Variants in TMEM184B observed in about 807,000 individuals in gnomAD.
TMEM184B encodes transmembrane protein 184B, also known as putative MAPK-activating protein FM08.
Under a neutral mutation model 41.8 loss-of-function variants are expected in TMEM184B, and 17 were observed. The observed-to-expected ratio is 0.41, with a 90% CI of 0.28 to 0.61. TMEM184B has a LOEUF of 0.61. Ranked by LOEUF, TMEM184B falls within the 20% of genes least tolerant of loss-of-function variation. The pLI, the probability that TMEM184B is intolerant of heterozygous loss-of-function variation, is 0.34. For missense variants in TMEM184B, 393 were observed against 557.8 expected (o/e 0.70, Z 2.98); for synonymous variants, 240 against 229.5 (o/e 1.05, Z -0.41).
chr22:38,256,316 C>T (rs2092278333), intron 1 of TMEM184B, among the ~76,000 whole-genome samples: 1 of 151,822 alleles, frequency 6.6e-6, no homozygotes. Flanking sequence ...CGGGTTCAAG[C>T]AATTCTCCTG....
At chr22:38,265,013 T>C (rs765380297) in intron 1 of TMEM184B, among the ~76,000 whole-genome samples, 5 of 152,214 alleles carry the variant, frequency 3.3e-5, no homozygotes, top group Non-Finnish European at 7.3e-5. Context: ...AAAGCAAATA[T>C]GTACTGTTTT....
At chr22:38,222,458 G>C (rs760664) in intron 8 of TMEM184B, 8,722 of 285,944 alleles carry the variant, frequency 0.031, 675 homozygotes, top group African/African-American at 0.17. Flanking sequence ...AACGAGAAAC[G>C]AGGACGGAAG....
chr22:38,221,981 G>A (rs2091274080), intron 8 of TMEM184B: 1 of 524,954 alleles, frequency 1.9e-6, no homozygotes, highest in Non-Finnish European at 3.4e-6. Flanking sequence ...TGCAGGGAAG[G>A]GACCCAGGGT....
At position 38,225,918 on chromosome 22, in the gene TMEM184B, C is replaced by T. The variant is rs376538919; in HGVS notation, c.618-325G>A. ...CATAGCCTGACACTCAGATAACAGG[C>T]GTCAAAATAGGTGACGCTGCTCAGC... On this transcript the variant is annotated intron_variant, in intron 6 of 8. Transcript: ENST00000361906. This position sits in a 1 kb window ranked among gnomAD's most constrained non-coding sequence, Gnocchi z 4.4. 2.8e-4 allele frequency among the ~76,000 whole-genome samples: 42 copies of T among 152,216 alleles called. No homozygotes were observed. Among genetic ancestry groups the T allele is most frequent in the African/African-American group, 1.0e-3 (42 of 41,522 alleles).
chr22:38,230,368 T>C (rs1253528482), intron 5 of TMEM184B, among the ~76,000 whole-genome samples: 1 of 152,250 alleles, frequency 6.6e-6, no homozygotes, highest in Non-Finnish European at 1.5e-5. Flanking sequence ...ATGGAGGTTC[T>C]AGAATCCCCA....
chr22:38,242,714 G>C (rs958636358), intron 3 of TMEM184B, among the ~76,000 whole-genome samples: 6 of 152,232 alleles, frequency 3.9e-5, no homozygotes, highest in African/African-American at 1.4e-4. Flanking sequence ...CTAGGACCCA[G>C]AGCAGTGGTG....
chr22:38,266,766 T>A (rs888170412), intron 1 of TMEM184B, among the ~76,000 whole-genome samples: 1 of 152,246 alleles, frequency 6.6e-6, no homozygotes, highest in South Asian at 2.1e-4. Flanking sequence ...TTATCCCCAA[T>A]CTTTCCTGTG....
At chr22:38,267,540 C>A (rs1381131352) in intron 1 of TMEM184B, among the ~76,000 whole-genome samples, 1 of 151,378 alleles carries the variant, frequency 6.6e-6, no homozygotes, top group African/African-American at 2.4e-5. Flanking sequence ...TCAGGCAATT[C>A]TCCTGCCTCA....
chr22:38,272,958 G>C lies in TMEM184B; in HGVS notation c.-133C>G, dbSNP rs1602523873. On this transcript the variant is annotated 5_prime_UTR_variant, in exon 1 of 9. Transcript: ENST00000361906. ...GGACTCTGCGGGCGGGGCGGGCGGC[G>C]CCGCAGCCCCGGAGTCTCCGCCGCC... The C allele has an allele frequency of 2.8e-6, 1 of 354,990 alleles. No individual in the cohort carries two copies. The highest frequency in any genetic ancestry group is 6.5e-5 in the Admixed American group (1 of 15,378). The allele number at this position is 354,990 out of a possible 1,614,324, so 22.0% of individuals were successfully genotyped here.
chr22:38,257,981 G>C (rs1381136519), intron 1 of TMEM184B, among the ~76,000 whole-genome samples: 1 of 152,160 alleles, frequency 6.6e-6, no homozygotes, highest in East Asian at 1.9e-4. Flanking sequence ...CCAGGCTGCA[G>C]ATCAGACAGA....
chr22:38,251,724 T>A (rs1387674188), intron 1 of TMEM184B, among the ~76,000 whole-genome samples: 5 of 152,168 alleles, frequency 3.3e-5, no homozygotes, highest in African/African-American at 1.2e-4. Context: ...TGGCACAGCC[T>A]GTGGACCTTG....
At position 38,269,180 on chromosome 22, in the gene TMEM184B, C is replaced by T. The variant is rs116441653; in HGVS notation, c.-59+3704G>A. 2.6e-3 allele frequency among the ~76,000 whole-genome samples: 396 copies of T among 152,338 alleles called. 1 individual carries two copies. The highest frequency in any genetic ancestry group is 9.1e-3 in the African/African-American group (377 of 41,572). On this transcript the variant is annotated intron_variant, in intron 1 of 8. Transcript: ENST00000361906. Reference sequence around the variant, plus strand: ...TCTCTGGGTCACCAGAACTGCTCAGCGCATTACCTCCCTCTCTCCCTCCTC... The same window carrying T: ...TCTCTGGGTCACCAGAACTGCTCAGTGCATTACCTCCCTCTCTCCCTCCTC...
Position 38,229,284 on chromosome 22 carries a change from G to C in TMEM184B, c.525+1385C>G, listed in dbSNP as rs1471102132. Among the ~76,000 whole-genome samples the C allele has an allele frequency of 4.6e-5, 7 of 152,390 alleles. No individual in the cohort carries two copies. The East Asian group carries it at 1.3e-3, about 29-fold the overall frequency. On this transcript the variant is annotated intron_variant, in intron 5 of 8. Coordinates refer to ENST00000361906, the MANE Select transcript of TMEM184B (RefSeq NM_012264.5). The stretch of plus-strand genomic sequence containing the variant: ...GAGGAGACTAACGCAAGGTCATGAA[G>C]AGTGGGCGTGATCCCCTCAGACTCT...
intron 1 of TMEM184B, among the ~76,000 whole-genome samples, chr22:38,269,609 A>G (rs1348141978): frequency 1.3e-5 from 2 of 152,114 alleles, no homozygotes; most frequent in East Asian, 3.9e-4. Flanking sequence ...AGGTGGAAGG[A>G]TCTCCTGGGC....
chr22:38,257,480 G>A (rs1041598912), intron 1 of TMEM184B, among the ~76,000 whole-genome samples: 3 of 152,052 alleles, frequency 2.0e-5, no homozygotes, highest in East Asian at 1.9e-4. Flanking sequence ...TCTTTTGCAG[G>A]GAAAGCAGCC....
chr22:38,251,451 A>G (rs2092160352), intron 1 of TMEM184B, among the ~76,000 whole-genome samples: 1 of 152,192 alleles, frequency 6.6e-6, no homozygotes, highest in Admixed American at 6.5e-5. Flanking sequence ...TCATAGACGC[A>G]TGGTCCCCAA....
Position 38,225,360 on chromosome 22 carries a change from G to A in TMEM184B, c.787+64C>T. On this transcript the variant is annotated intron_variant, in intron 7 of 8. Transcript: ENST00000361906. The surrounding 1 kb of genome is among the most constrained non-coding windows in gnomAD (Gnocchi z 4.4). Reference sequence around the variant, plus strand: ...GGCACCAGGGACCATAAGCAGAAGGGGCAGCAGGAAGCGCAGAGGACAGGG... The same window carrying A: ...GGCACCAGGGACCATAAGCAGAAGGAGCAGCAGGAAGCGCAGAGGACAGGG... 1 of 1,496,766 alleles carries A rather than the reference G, an allele frequency of 6.7e-7. No homozygotes were observed. Among genetic ancestry groups the A allele is most frequent in the Middle Eastern group, 1.8e-4 (1 of 5,596 alleles). 92.7% of individuals were successfully genotyped at this position (1,496,766 alleles called of 1,614,324 possible).
intron 1 of TMEM184B, among the ~76,000 whole-genome samples, chr22:38,271,086 C>T (rs1037411946): frequency 1.3e-5 from 2 of 152,176 alleles, no homozygotes; most frequent in African/African-American, 4.8e-5. Context: ...ATAAGACATC[C>T]AGAATCCCAA....
At position 38,221,282 on chromosome 22, in the gene TMEM184B, G is replaced by A; in HGVS notation, c.*187C>T. 1.4e-6 allele frequency: 2 copies of A among 1,429,360 alleles called. No individual in the cohort carries two copies. Among genetic ancestry groups the A allele is most frequent in the Non-Finnish European group, 1.8e-6 (2 of 1,096,606 alleles). The allele number at this position is 1,429,360 out of a possible 1,614,324, so 88.5% of individuals were successfully genotyped here. A position where few individuals can be genotyped will look rare whatever the true frequency, so the allele number is the denominator to read the frequency against. The stretch of plus-strand genomic sequence containing the variant: ...GGCTGGGCCATGTATAAATATTCCT[G>A]AAGGCCCATGGGCGAGCCTGGCTGT... On this transcript the variant is annotated 3_prime_UTR_variant, in exon 9 of 9. Transcript: ENST00000361906.
Sources: gnomAD v4.1 joint callset for allele counts (sites outside exome capture counted in the v4.1 genomes callset) on GRCh38, gnomAD v4.1.1 for gene constraint, Gnocchi (gnomAD v3.1) non-coding constraint, MANE v1.5 for transcripts, NCBI Gene and HGNC (gene_info 2026-07-23, HGNC 2026-07-21) for gene names.